The following RANBP17 variants were observed in gnomAD, a reference collection of about 807,000 sequenced individuals.
RANBP17 encodes the protein RAN binding protein 17, also known as ran-binding protein 17.
A neutral mutation model predicts 141.2 loss-of-function variants in RANBP17; 158 were observed. The ratio of observed to expected loss-of-function variants is 1.12; its 90% CI spans 0.98 to 1.28. RANBP17 has a LOEUF of 1.28. Ranked by LOEUF, RANBP17 falls within the 50% of genes most tolerant of loss-of-function variation. The pLI is 0.00. For missense variants in RANBP17, 1,438 were observed against 1,290.7 expected (o/e 1.11, Z -1.75); for synonymous variants, 430 against 450.0 (o/e 0.96, Z 0.56).
At chr5:170,862,480 C>T (rs993398068) in intron 1 of RANBP17, among the ~76,000 whole-genome samples, 2 of 152,222 alleles carry the variant, frequency 1.3e-5, no homozygotes, top group Admixed American at 1.3e-4. Context: ...GTCGCCGGCG[C>T]GGCTCTATCG....
intron 14 of RANBP17, among the ~76,000 whole-genome samples, chr5:171,115,893 T>A (rs1435053890): frequency 6.6e-6 from 1 of 152,242 alleles, no homozygotes; most frequent in Non-Finnish European, 1.5e-5. Context: ...TAACATCTTT[T>A]GAGATGCACA....
intron 14 of RANBP17, among the ~76,000 whole-genome samples, chr5:171,102,395 A>G (rs1787232887): frequency 6.6e-6 from 1 of 150,622 alleles, no homozygotes; most frequent in Non-Finnish European, 1.5e-5. Flanking sequence ...GGCTATTGAT[A>G]CTTGTGTATG....
In RANBP17 at chr5:170,892,371, A is replaced by C; in HGVS notation, c.257-16A>C. ...TCTGAAAAGTCCAGATGACCCATGG[A>C]GTGTTTTCTTTGTAGGAAACTACAT... On this transcript the variant is annotated splice_polypyrimidine_tract_variant and intron_variant, in intron 3 of 27. Coordinates refer to ENST00000523189, the MANE Select transcript of RANBP17 (RefSeq NM_022897.5). 1 of 1,576,050 alleles carries C rather than the reference A, an allele frequency of 6.3e-7. No individual in the cohort carries two copies.
intron 14 of RANBP17, among the ~76,000 whole-genome samples, chr5:171,033,608 T>G (rs1202791358): frequency 6.6e-6 from 1 of 152,120 alleles, no homozygotes; most frequent in Non-Finnish European, 1.5e-5. Context: ...TTTTGTTTTA[T>G]ATTATTATTT....
chr5:171,228,594 G>T (rs1012617037), intron 22 of RANBP17, among the ~76,000 whole-genome samples: 12 of 152,174 alleles, frequency 7.9e-5, no homozygotes, highest in Non-Finnish European at 1.8e-4. Context: ...TCTCCTGTGG[G>T]TCAAATGCTA....
intron 14 of RANBP17, among the ~76,000 whole-genome samples, chr5:171,119,743 A>G (rs1755886260): frequency 6.6e-6 from 1 of 152,136 alleles, no homozygotes; most frequent in South Asian, 2.1e-4. Flanking sequence ...AGATGCTTAA[A>G]AAGAGGTGCC....
chr5:170,889,474 G>A (rs1009143195), intron 3 of RANBP17, among the ~76,000 whole-genome samples: 35 of 152,146 alleles, frequency 2.3e-4, no homozygotes, highest in African/African-American at 8.2e-4. Context: ...CAAAAAATCG[G>A]AATGAACCAC....
Position 171,299,805 on chromosome 5 carries a change from C to G in RANBP17, c.*947C>G, listed in dbSNP as rs868544925. ...TTGGGATTCTGACTCACCCCAAACC[C>G]AGAACATGAAGAAGACCTTTACAGT... is the stretch of plus-strand genomic sequence containing the variant. On this transcript the variant is annotated 3_prime_UTR_variant, in exon 28 of 28. Coordinates refer to ENST00000523189, the MANE Select transcript of RANBP17 (RefSeq NM_022897.5). The G allele has an allele frequency of 2.2e-5, 5 of 224,346 alleles. No individual in the cohort carries two copies. Among genetic ancestry groups the G allele is most frequent in the African/African-American group, 8.9e-5 (4 of 44,858 alleles). The allele number at this position is 224,346 out of a possible 1,614,324, so 13.9% of individuals were successfully genotyped here.
chr5:171,037,165 T>C (rs1222897110), intron 14 of RANBP17, among the ~76,000 whole-genome samples: 2 of 152,220 alleles, frequency 1.3e-5, no homozygotes, highest in Non-Finnish European at 2.9e-5. Flanking sequence ...AATGGTATCT[T>C]ACTGTAATTT....
chr5:171,168,982 G>A (rs927965587), intron 14 of RANBP17, among the ~76,000 whole-genome samples: 28 of 152,038 alleles, frequency 1.8e-4, no homozygotes, highest in Non-Finnish European at 2.8e-4. Context: ...ATCAGCCTGA[G>A]GAGAAGGCTT....
chr5:171,111,417 C>T (rs1755223118), intron 14 of RANBP17, among the ~76,000 whole-genome samples: 1 of 151,890 alleles, frequency 6.6e-6, no homozygotes, highest in East Asian at 1.9e-4. Context: ...TTTTCTTTTC[C>T]CTTCTGCCAC....
intron 14 of RANBP17, among the ~76,000 whole-genome samples, chr5:171,046,844 T>C (rs984756360): frequency 5.3e-5 from 8 of 152,142 alleles, no homozygotes; most frequent in Non-Finnish European, 1.5e-5. Flanking sequence ...TTACTCTAAT[T>C]TATATTTCAT....
At chr5:170,935,132 G>A (rs7715737) in intron 12 of RANBP17, among the ~76,000 whole-genome samples, 93,110 of 152,020 alleles carry the variant, frequency 0.61, 29,888 homozygotes, top group South Asian at 0.89. Flanking sequence ...CGTAGTTCTC[G>A]TGCCATGGTT....
intron 14 of RANBP17, chr5:170,983,217 C>A (rs567917298): frequency 5.1e-6 from 2 of 392,720 alleles, no homozygotes; most frequent in Admixed American, 4.1e-5. Context: ...GCCTTGAGAG[C>A]AACCAGTTCA....
At chr5:171,020,187 T>C (rs1780751468) in intron 14 of RANBP17, among the ~76,000 whole-genome samples, 1 of 152,178 alleles carries the variant, frequency 6.6e-6, no homozygotes, top group Admixed American at 6.5e-5. Flanking sequence ...TCACTTCCAA[T>C]TATGTGATTG....
At chr5:171,100,789 G>C (rs1787099115) in intron 14 of RANBP17, among the ~76,000 whole-genome samples, 1 of 152,252 alleles carries the variant, frequency 6.6e-6, no homozygotes, top group South Asian at 2.1e-4. Context: ...CAGAGATTCT[G>C]GGACGTTGCG....
intron 13 of RANBP17, among the ~76,000 whole-genome samples, chr5:170,965,635 G>C (rs1251863841): frequency 2.0e-5 from 3 of 152,066 alleles, no homozygotes; most frequent in African/African-American, 7.2e-5. Context: ...AGTTTTCCCA[G>C]CACCATTTAT....
At chr5:170,907,068 G>A (rs777530367) in intron 5 of RANBP17, among the ~76,000 whole-genome samples, 1 of 151,868 alleles carries the variant, frequency 6.6e-6, no homozygotes, top group Non-Finnish European at 1.5e-5. Flanking sequence ...AAATATTCTA[G>A]TTATCAGATG....
intron 14 of RANBP17, among the ~76,000 whole-genome samples, chr5:171,096,333 T>C (rs758686803): frequency 2.0e-5 from 3 of 152,238 alleles, no homozygotes; most frequent in Admixed American, 6.5e-5. Flanking sequence ...ATCATACTTA[T>C]TAACTTATTG....
Sources: allele counts gnomAD v4.1 joint callset (sites outside exome capture counted in the v4.1 genomes callset), GRCh38; gene constraint gnomAD v4.1.1; transcripts MANE v1.5; gene names NCBI Gene and HGNC (gene_info 2026-07-23, HGNC 2026-07-21).